CDH8: variants seen among roughly 807,000 people sequenced by gnomAD.
CDH8 encodes cadherin-8.
CDH8 carries 17 observed loss-of-function variants against 68.1 expected under a neutral mutation model. That is an observed-to-expected ratio of 0.25 (90% CI 0.17 to 0.37). The LOEUF (loss-of-function observed/expected upper bound fraction) is 0.37, where lower values mean the gene tolerates loss of function less well. Among genes scored for constraint, CDH8 ranks in the 10% least tolerant of loss-of-function variants. CDH8 has a pLI of 1.00. For synonymous variants in CDH8, 372 were observed against 365.1 expected, an observed-to-expected ratio of 1.02 and a Z score of -0.21; for missense variants, 763 against 999.3, an observed-to-expected ratio of 0.76 and a Z score of 3.19.
At chr16:61,977,558 C>A (rs1965458427) in intron 2 of CDH8, among the ~76,000 whole-genome samples, 1 of 152,014 alleles carries the variant, frequency 6.6e-6, no homozygotes, top group Admixed American at 6.6e-5. Context: ...AAATGTGATA[C>A]CTATAGTGAA....
At chr16:62,022,711 T>C (rs1199034753) in intron 1 of CDH8, among the ~76,000 whole-genome samples, 1 of 152,144 alleles carries the variant, frequency 6.6e-6, no homozygotes, top group Non-Finnish European at 1.5e-5. Flanking sequence ...AGGTCTCTGG[T>C]TCCATTCTGG....
chr16:61,759,433 A>C (rs369121942), intron 8 of CDH8, among the ~76,000 whole-genome samples: 4 of 152,120 alleles, frequency 2.6e-5, no homozygotes, highest in South Asian at 4.2e-4. Flanking sequence ...GTAGTATAGC[A>C]GTAGTAGGAG....
intron 4 of CDH8, among the ~76,000 whole-genome samples, chr16:61,846,959 T>G (rs1240465443): frequency 1.3e-5 from 2 of 152,234 alleles, no homozygotes; most frequent in Middle Eastern, 3.4e-3. Flanking sequence ...ATGTTCCTGG[T>G]CCACTATCAA....
intron 4 of CDH8, among the ~76,000 whole-genome samples, chr16:61,846,424 T>C (rs141386347): frequency 1.6e-4 from 25 of 152,240 alleles, no homozygotes; most frequent in African/African-American, 5.8e-4. Flanking sequence ...GTGGAGATGA[T>C]TAATAAGTAT....
rs772854454 is a variant in CDH8 at position 61,648,816 on chromosome 16, T to G, written c.*4792A>C. On this transcript the variant is annotated 3_prime_UTR_variant, in exon 12 of 12. Transcript: ENST00000577390. ...CCATCAAGTCAGGAAATTTTTAAAT[T>G]TTATGTCCTCCATAACGCTAGGTCT... 1.4e-4 allele frequency: 21 copies of G among 151,984 alleles called. No homozygotes were observed. The highest frequency in any genetic ancestry group is 2.6e-4 in the Admixed American group (4 of 15,228). The allele number at this position is 151,984 out of a possible 1,614,324, so 9.4% of individuals were successfully genotyped here. A position where few individuals can be genotyped will look rare whatever the true frequency, so the allele number is the denominator to read the frequency against.
rs745407649 is a variant in CDH8 at position 61,654,004 on chromosome 16, A to G, written c.2004T>C (p.Asp668=). ...EDVRENIIRY[D]DEGGGEEDTE... is the part of the protein sequence containing the mutation. The stretch of plus-strand genomic sequence containing the variant: ...TGTCCTCCTCCCCTCCTCCTTCATC[A>G]TCGTAGCGAATGATGTTTTCTCGAA... Residue 668 remains aspartate (D), a synonymous_variant, in exon 12 of 12, where the codon GAT becomes GAC. Coordinates refer to ENST00000577390, the MANE Select transcript of CDH8 (RefSeq NM_001796.5). 31 of 1,614,070 alleles carry G rather than the reference A, an allele frequency of 1.9e-5. No individual in the cohort carries two copies. The highest frequency in any genetic ancestry group is 2.6e-5 in the Non-Finnish European group (31 of 1,179,982).
chr16:61,672,238 A>T (rs1963812422), intron 10 of CDH8, among the ~76,000 whole-genome samples: 2 of 152,092 alleles, frequency 1.3e-5, no homozygotes, highest in Non-Finnish European at 2.9e-5. Flanking sequence ...TGCTTAACAA[A>T]TCCAGAGAAT....
chr16:61,848,119 C>T (rs758167796), intron 4 of CDH8, among the ~76,000 whole-genome samples: 2 of 152,006 alleles, frequency 1.3e-5, no homozygotes, highest in African/African-American at 4.8e-5. Flanking sequence ...ACTATAGGAA[C>T]CAAATATACA....
intron 7 of CDH8, among the ~76,000 whole-genome samples, chr16:61,816,766 G>GA (rs5817313): frequency 2.0e-3 from 292 of 148,016 alleles, no homozygotes; most frequent in Non-Finnish European, 3.2e-3. Flanking sequence ...CAGTACAACA[G>GA]AAAAAAAAAA....
chr16:61,833,527 G>T (rs1398802118), intron 4 of CDH8, among the ~76,000 whole-genome samples: 1 of 151,862 alleles, frequency 6.6e-6, no homozygotes, highest in Non-Finnish European at 1.5e-5. Context: ...ACTACAAGAT[G>T]TGAACATCTC....
chr16:61,917,453 T>C (rs1341046508), intron 2 of CDH8, among the ~76,000 whole-genome samples: 1 of 152,112 alleles, frequency 6.6e-6, no homozygotes, highest in East Asian at 1.9e-4. Context: ...TGTGTCCTGT[T>C]CCCCAGGTTA....
chr16:61,898,795 G>C (rs1318694837), intron 3 of CDH8, among the ~76,000 whole-genome samples: 1 of 152,032 alleles, frequency 6.6e-6, no homozygotes, highest in Non-Finnish European at 1.5e-5. Context: ...AGTAAAAACA[G>C]ATTCAACAAT....
intron 10 of CDH8, among the ~76,000 whole-genome samples, chr16:61,676,824 T>C (rs757752409): frequency 1.3e-5 from 2 of 152,032 alleles, no homozygotes; most frequent in South Asian, 2.1e-4. Context: ...AACATTTCCA[T>C]CATCCCCCAA....
intron 2 of CDH8, among the ~76,000 whole-genome samples, chr16:61,999,278 ATG>A (rs1174387255): frequency 7.9e-5 from 12 of 152,280 alleles, no homozygotes; most frequent in African/African-American, 2.6e-4. Flanking sequence ...TTACTTGTTT[ATG>A]TTCACATGGA....
chr16:61,906,623 T>C (rs966805984), intron 2 of CDH8, among the ~76,000 whole-genome samples: 4 of 152,224 alleles, frequency 2.6e-5, no homozygotes, highest in Non-Finnish European at 4.4e-5. Flanking sequence ...ATCACCTGCA[T>C]TTCATTCTCC....
intron 2 of CDH8, among the ~76,000 whole-genome samples, chr16:61,923,472 C>G (rs981063873): frequency 1.3e-5 from 2 of 151,984 alleles, no homozygotes; most frequent in Non-Finnish European, 2.9e-5. Context: ...GGGTTGGCAT[C>G]ACAAAACATG....
At chr16:61,882,876 C>T (rs923560852) in intron 3 of CDH8, among the ~76,000 whole-genome samples, 29 of 152,294 alleles carry the variant, frequency 1.9e-4, no homozygotes, top group Admixed American at 1.6e-3. Flanking sequence ...TACCCCTGAA[C>T]TTAAAATAAA....
At chr16:62,020,938 G>A (rs1223433947) in intron 2 of CDH8, among the ~76,000 whole-genome samples, 1 of 151,478 alleles carries the variant, frequency 6.6e-6, no homozygotes, top group Non-Finnish European at 1.5e-5. Flanking sequence ...ATAGCCGGGT[G>A]GAAGAGGTGG....
rs868078082 is a variant in CDH8, at chr16:61,997,725, A to T, written c.252+23427T>A. On this transcript the variant is annotated intron_variant, in intron 2 of 11. Coordinates refer to ENST00000577390, the MANE Select transcript of CDH8 (RefSeq NM_001796.5). ...ATAAACCAACCTCACGTAACTTGTG[A>T]TATGGTGCCCTTAGAAAACCGCATC... is the stretch of plus-strand genomic sequence containing the variant. Among the ~76,000 whole-genome samples the T allele has an allele frequency of 4.6e-5, 7 of 152,194 alleles. No individual in the cohort carries two copies. In the South Asian group the frequency reaches 1.2e-3, roughly 27 times the overall value.
Sources: allele counts gnomAD v4.1 joint callset (sites outside exome capture counted in the v4.1 genomes callset), GRCh38; gene constraint gnomAD v4.1.1; transcripts MANE v1.5; gene names NCBI Gene and HGNC (gene_info 2026-07-23, HGNC 2026-07-21).